SNAP91: variants seen among roughly 807,000 people sequenced by gnomAD.
SNAP91 encodes synaptosome associated protein 91.
In SNAP91, 27 loss-of-function variants were observed where a neutral mutation model predicts 100.3. The ratio of observed to expected loss-of-function variants is 0.27; its 90% CI spans 0.20 to 0.37. SNAP91 has a LOEUF of 0.37. Ranked by LOEUF, SNAP91 falls within the 10% of genes least tolerant of loss-of-function variation. The pLI, the probability that SNAP91 is intolerant of heterozygous loss-of-function variation, is 1.00. For missense variants in SNAP91, 986 were observed against 1,123.7 expected (o/e 0.88, Z 1.75); for synonymous variants, 404 against 398.6 (o/e 1.01, Z -0.16).
At chr6:83,708,493 A>G (rs911453198) in intron 1 of SNAP91, 4 of 152,588 alleles carry the variant, frequency 2.6e-5, no homozygotes, top group African/African-American at 9.7e-5. Context: ...CGCGAAGGAG[A>G]TTATCCTAGC....
intron 2 of SNAP91, among the ~76,000 whole-genome samples, chr6:83,692,869 C>T (rs970416198): frequency 1.3e-5 from 2 of 152,178 alleles, no homozygotes; most frequent in African/African-American, 2.4e-5. Flanking sequence ...CTTTACCCAT[C>T]TAGTTAATTA....
intron 26 of SNAP91, 47 bp from the exon 27 acceptor site, chr6:83,560,994 C>A (rs376745354): frequency 4.1e-6 from 5 of 1,205,220 alleles, no homozygotes; most frequent in East Asian, 2.4e-5. Context: ...CAAAAACACA[C>A]AAACACATGC....
Position 83,582,271 on chromosome 6 carries a change from A to G in SNAP91, c.2100T>C (p.Ala700=), listed in dbSNP as rs114037634. The G allele has an allele frequency of 2.2e-4, 348 of 1,613,772 alleles. No individual in the cohort carries two copies. In the African/African-American group the frequency reaches 4.1e-3, roughly 19 times the overall value. ...TGGAAGTTGAAGGCGTTGTCCCAAA[A>G]GCTGCCTCAAAATTGGGCTGTAGCA... The part of the protein sequence containing the change: ...NNLLQPNFEA[A]FGTTPSTSSS... Residue 700 remains alanine (A), a synonymous_variant, in exon 23 of 30, where the codon GCT becomes GCC. Coordinates refer to ENST00000369694, the MANE Select transcript of SNAP91 (RefSeq NM_001242792.2).
chr6:83,682,553 T>C (rs1282956721), intron 2 of SNAP91, among the ~76,000 whole-genome samples: 5 of 152,042 alleles, frequency 3.3e-5, no homozygotes, highest in Non-Finnish European at 7.4e-5. Context: ...GTCCACTGTA[T>C]CTTCTAAGTA....
chr6:83,563,964 A>G (rs1214328634), intron 26 of SNAP91, among the ~76,000 whole-genome samples: 2 of 152,186 alleles, frequency 1.3e-5, no homozygotes, highest in African/African-American at 2.4e-5. Context: ...TCCCTATCAA[A>G]ATTTCAACCA....
intron 22 of SNAP91, among the ~76,000 whole-genome samples, chr6:83,583,780 T>C (rs1831854605): frequency 2.0e-5 from 3 of 152,230 alleles, no homozygotes; most frequent in Admixed American, 2.0e-4. Flanking sequence ...TTTATAATTT[T>C]GAAAGTGATT....
chr6:83,568,827 C>A (rs1031830066), intron 26 of SNAP91, among the ~76,000 whole-genome samples: 5 of 152,150 alleles, frequency 3.3e-5, no homozygotes, highest in Non-Finnish European at 7.4e-5. Flanking sequence ...ATAGCAAAGA[C>A]CTGTAGATTA....
At chr6:83,664,818 A>G (rs1320842666) in intron 3 of SNAP91, among the ~76,000 whole-genome samples, 1 of 152,156 alleles carries the variant, frequency 6.6e-6, no homozygotes, top group Non-Finnish European at 1.5e-5. Flanking sequence ...TGAATGCTAC[A>G]GAGAAATCTT....
At chr6:83,616,497 G>A (rs1325385553) in intron 10 of SNAP91, among the ~76,000 whole-genome samples, 3 of 152,142 alleles carry the variant, frequency 2.0e-5, no homozygotes, top group African/African-American at 7.2e-5. Flanking sequence ...TAAAATGTCA[G>A]TAGTATGCCA....
intron 3 of SNAP91, 132 bp downstream of exon 3, chr6:83,665,307 A>G (rs2098659651): frequency 2.4e-6 from 2 of 846,474 alleles, no homozygotes; most frequent in Non-Finnish European, 3.6e-6. Context: ...TGTATTCTAG[A>G]TGATCCGGAA....
chr6:83,681,236 C>T (rs1037511092), intron 2 of SNAP91, among the ~76,000 whole-genome samples: 4 of 152,068 alleles, frequency 2.6e-5, no homozygotes, highest in Non-Finnish European at 1.5e-5. Context: ...ATTGTAGGTT[C>T]CCACAAAATC....
chr6:83,675,904 G>C (rs2098874156), intron 2 of SNAP91, among the ~76,000 whole-genome samples: 1 of 140,382 alleles, frequency 7.1e-6, no homozygotes, highest in Non-Finnish European at 1.5e-5. Context: ...TGTCAAAAAA[G>C]ATTTGGCCAT....
chr6:83,595,374 G>A (rs191815862), intron 16 of SNAP91, among the ~76,000 whole-genome samples: 10 of 152,234 alleles, frequency 6.6e-5, no homozygotes, highest in African/African-American at 2.2e-4. Flanking sequence ...GACTATAAGT[G>A]TATTATTATT....
intron 26 of SNAP91, among the ~76,000 whole-genome samples, chr6:83,568,476 T>TATAATAATA (rs56267925): frequency 7.5e-5 from 11 of 147,518 alleles, no homozygotes; most frequent in East Asian, 4.0e-4. Context: ...CACATTAAAG[T>TATAATAATA]ATAATAATAA....
At chr6:83,609,832 A>G (rs895253200) in intron 12 of SNAP91, among the ~76,000 whole-genome samples, 3 of 152,218 alleles carry the variant, frequency 2.0e-5, no homozygotes, top group African/African-American at 7.2e-5. Flanking sequence ...ATATCACATT[A>G]CCTACCTCAT....
intron 2 of SNAP91, among the ~76,000 whole-genome samples, chr6:83,671,927 C>T (rs1408717159): frequency 6.6e-6 from 1 of 152,050 alleles, no homozygotes; most frequent in East Asian, 1.9e-4. Context: ...ATCTCCAGCA[C>T]AACTAGATAC....
At chr6:83,597,612 C>T (rs2094615693) in intron 16 of SNAP91, among the ~76,000 whole-genome samples, 1 of 152,132 alleles carries the variant, frequency 6.6e-6, no homozygotes, top group African/African-American at 2.4e-5. Flanking sequence ...AGTCTTTTTT[C>T]CCCTTCCAGC....
At chr6:83,677,229 AG>A (rs1002494454) in intron 2 of SNAP91, among the ~76,000 whole-genome samples, 5 of 152,178 alleles carry the variant, frequency 3.3e-5, no homozygotes, top group Non-Finnish European at 7.4e-5. Context: ...AGAGCAGGTA[AG>A]GGGGTACCCT....
Position 83,610,692 on chromosome 6 carries a change from A to T in SNAP91, c.885-15T>A, listed in dbSNP as rs1206003480. 1.4e-5 allele frequency: 7 copies of T among 487,080 alleles called. No individual in the cohort carries two copies. Among genetic ancestry groups the T allele is most frequent in the African/African-American group, 8.4e-5 (4 of 47,708 alleles). The allele number at this position is 487,080 out of a possible 1,614,324, so 30.2% of individuals were successfully genotyped here. On this transcript the variant is annotated splice_polypyrimidine_tract_variant and intron_variant, in intron 11 of 29. Coordinates refer to ENST00000369694, the MANE Select transcript of SNAP91 (RefSeq NM_001242792.2). The stretch of plus-strand genomic sequence containing the variant: ...GAGCACCAGATCTAAAAGGCAACAT[A>T]AAAAAAAATTAAAACTGAATATATA...
Sources: allele counts gnomAD v4.1 joint callset (sites outside exome capture counted in the v4.1 genomes callset), GRCh38; gene constraint gnomAD v4.1.1; transcripts MANE v1.5; gene names NCBI Gene and HGNC (gene_info 2026-07-23, HGNC 2026-07-21).